Variants in LYPLAL1 observed in about 807,000 individuals in gnomAD.
The protein encoded by LYPLAL1 is lysophospholipase like 1.
A neutral mutation model predicts 19.7 loss-of-function variants in LYPLAL1; 23 were observed. The observed-to-expected ratio is 1.17, with a 90% CI of 0.84 to 1.65. LYPLAL1 has a LOEUF of 1.65. Ranked by LOEUF, LYPLAL1 falls within the 40% of genes most tolerant of loss-of-function variation. The probability of loss-of-function intolerance (pLI) is 0.00; values close to 1 mark genes in which losing one functional copy is unlikely to be tolerated. For synonymous variants in LYPLAL1, 119 were observed against 96.3 expected, an observed-to-expected ratio of 1.24 and a Z score of -1.38; for missense variants, 355 against 279.4, an observed-to-expected ratio of 1.27 and a Z score of -1.93.
chr1:219,220,486 A>G, the LYPLAL1 span, among the ~76,000 whole-genome samples: 32 of 152,210 alleles, frequency 2.1e-4, no homozygotes, highest in African/African-American at 7.5e-4. Context: ...CATGCCCAGT[A>G]ATTGTCAGGT....
Position 219,193,086 on chromosome 1 carries a change from T to C in LYPLAL1, c.196T>C (p.Tyr66His). 3 of 1,562,146 alleles carry C rather than the reference T, an allele frequency of 1.9e-6. No homozygotes were observed. In the South Asian group the frequency reaches 3.3e-5, roughly 17 times the overall value. ...GGGGGGGCGGTTGTTAAACAGATCATATACTCCTATGAAAGGAGGAATCTC... is the reference window on the plus strand; with the variant it reads ...GGGGGGGCGGTTGTTAAACAGATCACATACTCCTATGAAAGGAGGAATCTC... ...IIYPTAPPRS[Y>H]TPMKGGISNV... is the part of the protein sequence containing the mutation. The change falls in exon 3 of 5, where the codon TAT (tyrosine) becomes CAT (histidine). Residue 66 changes from tyrosine to histidine, a missense_variant. Tyr to His is a moderately conservative substitution (Grantham distance 83, BLOSUM62 2). Transcript: ENST00000366928.
At chr1:219,243,919 C>A in the LYPLAL1 span, among the ~76,000 whole-genome samples, 162 of 128,950 alleles carry the variant, frequency 1.3e-3, no homozygotes, top group Middle Eastern at 4.0e-3. Flanking sequence ...AACTCCATCT[C>A]AAAAAAAAAA....
chr1:219,319,038 G>A, the LYPLAL1 span, among the ~76,000 whole-genome samples: 2 of 151,896 alleles, frequency 1.3e-5, no homozygotes, highest in African/African-American at 2.4e-5. Context: ...TTTCAGGCAG[G>A]GTCCAATCAA....
the LYPLAL1 span, among the ~76,000 whole-genome samples, chr1:219,257,220 G>C: frequency 1.3e-5 from 2 of 151,798 alleles, no homozygotes; most frequent in Admixed American, 1.3e-4. Context: ...ACACATTGAG[G>C]CTATGTTAAT....
chr1:219,316,585 A>G, the LYPLAL1 span, among the ~76,000 whole-genome samples: 5 of 152,166 alleles, frequency 3.3e-5, no homozygotes, highest in South Asian at 2.1e-4. Context: ...TTTCTTTGTT[A>G]CGAGATGTTT....
chr1:219,288,009 G>A, the LYPLAL1 span, among the ~76,000 whole-genome samples: 104 of 152,294 alleles, frequency 6.8e-4, no homozygotes, highest in South Asian at 0.021. Context: ...GTGGAACTGT[G>A]AGTCAGTTAA....
the LYPLAL1 span, among the ~76,000 whole-genome samples, chr1:219,279,963 A>G: frequency 6.6e-6 from 1 of 152,242 alleles, no homozygotes; most frequent in Admixed American, 6.5e-5. Context: ...AAATAGGCTG[A>G]TATCTTTAAG....
chr1:219,347,171 T>C, the LYPLAL1 span, among the ~76,000 whole-genome samples: 2 of 152,194 alleles, frequency 1.3e-5, no homozygotes, highest in African/African-American at 4.8e-5. Flanking sequence ...TTTTACCTTA[T>C]TACCACTTTT....
the LYPLAL1 span, among the ~76,000 whole-genome samples, chr1:219,437,744 T>G: frequency 7.1e-6 from 1 of 140,044 alleles, no homozygotes; most frequent in African/African-American, 2.7e-5. Flanking sequence ...TTTTATTATT[T>G]TATTGTATTT....
At chr1:219,347,862 GA>G in the LYPLAL1 span, among the ~76,000 whole-genome samples, 1,159 of 137,660 alleles carry the variant, frequency 8.4e-3, 20 homozygotes, top group African/African-American at 0.027. Context: ...TTGATGCACA[GA>G]AAAAAAAAAA....
At chr1:219,282,775 T>G in the LYPLAL1 span, among the ~76,000 whole-genome samples, 1 of 152,140 alleles carries the variant, frequency 6.6e-6, no homozygotes, top group African/African-American at 2.4e-5. Context: ...TTTAAAATAA[T>G]TTTGTCATGT....
chr1:219,297,139 T>C, the LYPLAL1 span, among the ~76,000 whole-genome samples: 1 of 152,190 alleles, frequency 6.6e-6, no homozygotes, highest in Admixed American at 6.5e-5. Context: ...AGTTGCGACC[T>C]TAGGAATGAG....
At chr1:219,330,426 A>G in the LYPLAL1 span, among the ~76,000 whole-genome samples, 1 of 152,226 alleles carries the variant, frequency 6.6e-6, no homozygotes, top group Non-Finnish European at 1.5e-5. Flanking sequence ...TAATTTTCAC[A>G]TTAATTGTCT....
the LYPLAL1 span, among the ~76,000 whole-genome samples, chr1:219,228,584 T>A: frequency 6.6e-6 from 1 of 152,132 alleles, no homozygotes; most frequent in Non-Finnish European, 1.5e-5. Flanking sequence ...ATATAGAATA[T>A]ATGCCTGATG....
chr1:219,288,966 G>A, the LYPLAL1 span, among the ~76,000 whole-genome samples: 2 of 151,862 alleles, frequency 1.3e-5, no homozygotes, highest in Non-Finnish European at 2.9e-5. Context: ...CGTCTTGCTC[G>A]AATTTGGTCA....
chr1:219,174,537 C>T (rs963446688), intron 1 of LYPLAL1, among the ~76,000 whole-genome samples: 7 of 152,166 alleles, frequency 4.6e-5, no homozygotes, highest in Non-Finnish European at 1.0e-4. Flanking sequence ...TCCTTCCTTT[C>T]CCTTTCCCGC....
chr1:219,441,816 A>G, the LYPLAL1 span, among the ~76,000 whole-genome samples: 3 of 152,132 alleles, frequency 2.0e-5, no homozygotes, highest in Non-Finnish European at 4.4e-5. Flanking sequence ...TCTGCGGCAG[A>G]TGCCTGTGGT....
chr1:219,357,910 T>C, the LYPLAL1 span, among the ~76,000 whole-genome samples: 1 of 152,214 alleles, frequency 6.6e-6, no homozygotes, highest in Non-Finnish European at 1.5e-5. Flanking sequence ...AAATGCGTAA[T>C]GCCAAATGAA....
chr1:219,359,220 C>T, the LYPLAL1 span, among the ~76,000 whole-genome samples: 274 of 152,232 alleles, frequency 1.8e-3, no homozygotes, highest in Non-Finnish European at 2.7e-3. Flanking sequence ...AATGTTGCTG[C>T]GGGTGTCACA....
Sources: gnomAD v4.1 joint callset for allele counts (sites outside exome capture counted in the v4.1 genomes callset) on GRCh38, gnomAD v4.1.1 for gene constraint, MANE v1.5 for transcripts, NCBI Gene and HGNC (gene_info 2026-07-23, HGNC 2026-07-21) for gene names.